The following ROBO1 variants were observed in gnomAD, a reference collection of about 807,000 sequenced individuals.
ROBO1 encodes roundabout homolog 1.
Under a neutral mutation model 195.9 loss-of-function variants are expected in ROBO1, and 149 were observed. The ratio of observed to expected loss-of-function variants is 0.76; its 90% CI spans 0.67 to 0.87. ROBO1 has a LOEUF of 0.87. Ranked by LOEUF, ROBO1 falls within the 40% of genes least tolerant of loss-of-function variation. The pLI, the probability that ROBO1 is intolerant of heterozygous loss-of-function variation, is 0.00. For missense variants in ROBO1, 1,933 were observed against 2,068.3 expected (o/e 0.93, Z 1.27); for synonymous variants, 816 against 733.2 (o/e 1.11, Z -1.82).
At chr3:78,883,080 C>T (rs1185140856) in intron 4 of ROBO1, among the ~76,000 whole-genome samples, 1 of 151,760 alleles carries the variant, frequency 6.6e-6, no homozygotes, top group African/African-American at 2.4e-5. Context: ...CCCAAAGTGC[C>T]GAGATTACAA....
At chr3:79,208,987 A>G (rs1247698865) in intron 2 of ROBO1, among the ~76,000 whole-genome samples, 1 of 151,954 alleles carries the variant, frequency 6.6e-6, no homozygotes, top group East Asian at 1.9e-4. Context: ...TACTTTATAT[A>G]TTGTTCTTTT....
intron 3 of ROBO1, among the ~76,000 whole-genome samples, chr3:78,986,538 T>C (rs2077110567): frequency 6.6e-6 from 1 of 152,156 alleles, no homozygotes; most frequent in Non-Finnish European, 1.5e-5. Context: ...GCTGATCAAA[T>C]GCAGACCATA....
chr3:78,607,895 T>C (rs982149765), intron 28 of ROBO1, among the ~76,000 whole-genome samples: 12 of 152,174 alleles, frequency 7.9e-5, no homozygotes, highest in African/African-American at 2.9e-4. Context: ...CAGTGTTCTT[T>C]ATATTACTAC....
At chr3:79,299,963 C>G (rs768564456) in intron 2 of ROBO1, among the ~76,000 whole-genome samples, 36 of 152,082 alleles carry the variant, frequency 2.4e-4, no homozygotes, top group Non-Finnish European at 4.3e-4. Flanking sequence ...CTGTGAAATA[C>G]TTATTTAATA....
At chr3:78,829,762 T>C (rs1350958778) in intron 4 of ROBO1, among the ~76,000 whole-genome samples, 1 of 152,166 alleles carries the variant, frequency 6.6e-6, no homozygotes, top group African/African-American at 2.4e-5. Flanking sequence ...AATTCTCCCT[T>C]ACAAAGAGAA....
rs1225664469 is a variant in ROBO1, at chr3:79,316,002, A to G, written c.89-190463T>C. 3.3e-5 allele frequency among the ~76,000 whole-genome samples: 5 copies of G among 152,220 alleles called. No homozygotes were observed. In the East Asian group the frequency reaches 9.6e-4, roughly 29 times the overall value. ...AAAAAGCTTGCCCTTGAAATCCACT[A>G]TAATAACTGTACTTTACACGCAATT... On this transcript the variant is annotated intron_variant, in intron 2 of 30. Transcript: ENST00000464233.
intron 3 of ROBO1, among the ~76,000 whole-genome samples, chr3:78,978,476 C>T (rs1013835918): frequency 6.6e-6 from 1 of 151,980 alleles, no homozygotes; most frequent in African/African-American, 2.4e-5. Context: ...TATTGAACGC[C>T]AGGCACCACA....
intron 2 of ROBO1, among the ~76,000 whole-genome samples, chr3:79,404,162 G>C (rs1484336634): frequency 6.6e-6 from 1 of 151,922 alleles, no homozygotes; most frequent in African/African-American, 2.4e-5. Context: ...AAGCATCTAT[G>C]GAACAGCTGA....
chr3:79,724,548 G>T (rs1258639403), intron 1 of ROBO1, among the ~76,000 whole-genome samples: 1 of 152,178 alleles, frequency 6.6e-6, no homozygotes, highest in Non-Finnish European at 1.5e-5. Context: ...GCTTTTACAT[G>T]TGATAAGATG....
chr3:78,773,692 T>C (rs1383034751), intron 4 of ROBO1, among the ~76,000 whole-genome samples: 1 of 152,202 alleles, frequency 6.6e-6, no homozygotes, highest in Non-Finnish European at 1.5e-5. Context: ...CACTCTGTCA[T>C]GTGCTAGACA....
At chr3:79,585,085 G>A (rs542703390) in intron 2 of ROBO1, among the ~76,000 whole-genome samples, 56 of 151,624 alleles carry the variant, frequency 3.7e-4, no homozygotes, top group Non-Finnish European at 7.1e-4. Flanking sequence ...TCACATTTGG[G>A]CATAAGTCAT....
At chr3:78,815,300 C>A (rs1016912251) in intron 4 of ROBO1, among the ~76,000 whole-genome samples, 2 of 152,094 alleles carry the variant, frequency 1.3e-5, no homozygotes, top group African/African-American at 4.8e-5. Flanking sequence ...AAAATCTAGG[C>A]TTCTTATGCC....
At chr3:78,728,553 T>C (rs1275406261) in intron 5 of ROBO1, among the ~76,000 whole-genome samples, 3 of 151,194 alleles carry the variant, frequency 2.0e-5, no homozygotes, top group East Asian at 3.9e-4. Context: ...AAGTGAAGGG[T>C]ATTTCATCAT....
At chr3:79,099,345 A>G (rs1004284174) in intron 3 of ROBO1, among the ~76,000 whole-genome samples, 3 of 151,806 alleles carry the variant, frequency 2.0e-5, no homozygotes, top group African/African-American at 7.2e-5. Context: ...GGAAATGGGA[A>G]GGAGACAGAT....
At chr3:79,472,829 G>A (rs1346815935) in intron 2 of ROBO1, among the ~76,000 whole-genome samples, 1 of 152,020 alleles carries the variant, frequency 6.6e-6, no homozygotes, top group Admixed American at 6.6e-5. Flanking sequence ...TAATAATTAA[G>A]GTTTGATGGC....
At chr3:78,759,831 C>T (rs1264596391) in intron 4 of ROBO1, among the ~76,000 whole-genome samples, 4 of 143,424 alleles carry the variant, frequency 2.8e-5, no homozygotes, top group Non-Finnish European at 4.6e-5. Flanking sequence ...AACAGCATGC[C>T]TTTTAACGTA....
intron 27 of ROBO1, among the ~76,000 whole-genome samples, chr3:78,616,885 G>A (rs994886570): frequency 5.3e-5 from 8 of 152,072 alleles, no homozygotes; most frequent in Non-Finnish European, 1.5e-5. Context: ...GGAAGAGGAG[G>A]AGATAAGTAA....
intron 5 of ROBO1, among the ~76,000 whole-genome samples, chr3:78,723,609 T>A (rs1008990729): frequency 6.6e-6 from 1 of 152,178 alleles, no homozygotes; most frequent in East Asian, 1.9e-4. Flanking sequence ...CCCGGAGATA[T>A]CTGGCAATGT....
At chr3:79,454,103 G>C (rs1320696198) in intron 2 of ROBO1, among the ~76,000 whole-genome samples, 2 of 149,756 alleles carry the variant, frequency 1.3e-5, no homozygotes, top group Non-Finnish European at 3.0e-5. Flanking sequence ...TTTTGGTGAG[G>C]AAAGTTCTAG....
Sources: allele counts gnomAD v4.1 joint callset (sites outside exome capture counted in the v4.1 genomes callset), GRCh38; gene constraint gnomAD v4.1.1; transcripts MANE v1.5; gene names NCBI Gene and HGNC (gene_info 2026-07-23, HGNC 2026-07-21).